MEF2A: variants seen among roughly 807,000 people sequenced by gnomAD.
MEF2A encodes the protein myocyte enhancer factor 2A.
MEF2A carries 28 observed loss-of-function variants against 55.8 expected under a neutral mutation model. The ratio of observed to expected loss-of-function variants is 0.50; its 90% confidence interval spans 0.37 to 0.69. MEF2A has a LOEUF of 0.69. Ranked by LOEUF, MEF2A falls within the 30% of genes least tolerant of loss-of-function variation. The pLI is 0.00. For missense variants in MEF2A, 528 were observed against 626.2 expected, an observed-to-expected ratio of 0.84 and a Z score of 1.67; for synonymous variants, 239 against 227.1, an observed-to-expected ratio of 1.05 and a Z score of -0.47.
In MEF2A at chr15:99,568,477, C is replaced by G. The variant is rs561508477; in HGVS notation, c.-225+2373C>G. 2.6e-5 allele frequency among the ~76,000 whole-genome samples: 4 copies of G among 152,118 alleles called. No individual in the cohort carries two copies. In the East Asian group the frequency reaches 7.7e-4, roughly 29 times the overall value. ...AATATTAATTTTATTAATATTCCAGCAATAGCAGTGTCATCCATTAATTGG... is the reference window on the plus strand; with the variant it reads ...AATATTAATTTTATTAATATTCCAGGAATAGCAGTGTCATCCATTAATTGG... On this transcript the variant is annotated intron_variant, in intron 1 of 11. Transcript: ENST00000557942.
In MEF2A at chr15:99,682,135, G is replaced by A. The variant is rs527367252; in HGVS notation, c.670+6677G>A. On this transcript the variant is annotated intron_variant, in intron 7 of 11. Transcript: ENST00000557942. ...CATTGTCTGCAGTTTAACCCTAGAA[G>A]AGTAGTATCTAAGGACACAGAGTAC... 7.2e-5 allele frequency among the ~76,000 whole-genome samples: 11 copies of A among 152,300 alleles called. 1 individual carries two copies. The highest frequency in any genetic ancestry group is 2.6e-4 in the African/African-American group (11 of 41,566).
chr15:99,641,026 T>C (rs1003524263), intron 3 of MEF2A, among the ~76,000 whole-genome samples: 1 of 152,152 alleles, frequency 6.6e-6, no homozygotes, highest in African/African-American at 2.4e-5. Context: ...TCGCACGTAT[T>C]TGCACTAGTT....
chr15:99,654,321 A>C (rs2047328189), intron 4 of MEF2A, among the ~76,000 whole-genome samples: 1 of 151,968 alleles, frequency 6.6e-6, no homozygotes, highest in East Asian at 1.9e-4. Flanking sequence ...TTATTTATTG[A>C]ATGGTTAGTG....
chr15:99,671,720 G>A (rs1407396603), intron 5 of MEF2A: 8 of 1,415,056 alleles, frequency 5.7e-6, no homozygotes, highest in Non-Finnish European at 7.4e-6. Context: ...CAAACATCTT[G>A]TTGCTTATTT....
chr15:99,679,306 G>A (rs1433169450), intron 7 of MEF2A, among the ~76,000 whole-genome samples: 1 of 152,212 alleles, frequency 6.6e-6, no homozygotes, highest in African/African-American at 2.4e-5. Flanking sequence ...TAAAGTCATT[G>A]TCTAGAAATA....
At position 99,715,817 on chromosome 15, in the gene MEF2A, C is replaced by G. The variant is rs988040169; in HGVS notation, c.*3046C>G. Reference sequence around the variant, plus strand: ...CTCAGTACTCTAATGGCCACTCCACCGCGAGTGGAAGTCACTGTTGTGTGT... The same window carrying G: ...CTCAGTACTCTAATGGCCACTCCACGGCGAGTGGAAGTCACTGTTGTGTGT... On this transcript the variant is annotated 3_prime_UTR_variant, in exon 12 of 12. Coordinates refer to ENST00000557942, the MANE Select transcript of MEF2A (RefSeq NM_001319206.4). 1 of 152,186 alleles carries G rather than the reference C, an allele frequency of 6.6e-6. No homozygotes were observed. The highest frequency in any genetic ancestry group is 2.4e-5 in the African/African-American group (1 of 41,438). The allele number at this position is 152,186 out of a possible 1,614,324, so 9.4% of individuals were successfully genotyped here. A position where few individuals can be genotyped will look rare whatever the true frequency, so the allele number is the denominator to read the frequency against.
At chr15:99,702,961 G>C (rs1019225687) in intron 8 of MEF2A, among the ~76,000 whole-genome samples, 7 of 152,176 alleles carry the variant, frequency 4.6e-5, no homozygotes, top group African/African-American at 1.7e-4. Context: ...GTATCACCAG[G>C]TGGGGTAATA....
intron 1 of MEF2A, among the ~76,000 whole-genome samples, chr15:99,580,513 A>G (rs1965622526): frequency 6.6e-6 from 1 of 152,168 alleles, no homozygotes; most frequent in Admixed American, 6.6e-5. Context: ...GAGTCTCCGG[A>G]AGGTATTGTG....
At chr15:99,594,123 C>T (rs530753335) in intron 1 of MEF2A, among the ~76,000 whole-genome samples, 44 of 152,262 alleles carry the variant, frequency 2.9e-4, no homozygotes, top group African/African-American at 9.9e-4. Context: ...GTTGAGGGCT[C>T]AGCCTGACAA....
At chr15:99,687,898 T>C (rs1326830670) in intron 7 of MEF2A, among the ~76,000 whole-genome samples, 2 of 152,230 alleles carry the variant, frequency 1.3e-5, no homozygotes, top group Non-Finnish European at 2.9e-5. Flanking sequence ...TATTTGAATT[T>C]TTTTAATTTC....
intron 2 of MEF2A, among the ~76,000 whole-genome samples, chr15:99,622,702 C>CTTTCTTTTTTTTTTTTTT (rs1555461506): frequency 7.4e-6 from 1 of 135,700 alleles, no homozygotes; most frequent in African/African-American, 2.6e-5. Flanking sequence ...GTTTTCTTTT[C>CTTTCTTTTTTTTTTTTTT]TTTTTTTTTT....
intron 7 of MEF2A, among the ~76,000 whole-genome samples, chr15:99,676,752 A>G (rs2052171702): frequency 1.3e-5 from 2 of 151,840 alleles, no homozygotes; most frequent in South Asian, 2.1e-4. Context: ...TTGTATTTTT[A>G]GTAGAGACGG....
chr15:99,711,193 C>G (rs2058603867), intron 11 of MEF2A, among the ~76,000 whole-genome samples: 1 of 152,240 alleles, frequency 6.6e-6, no homozygotes, highest in African/African-American at 2.4e-5. Context: ...CCACCCTTGC[C>G]ATTGACTGCT....
intron 1 of MEF2A, among the ~76,000 whole-genome samples, chr15:99,584,865 ACTTT>A (rs1291579037): frequency 6.6e-6 from 1 of 152,196 alleles, no homozygotes; most frequent in African/African-American, 2.4e-5. Context: ...CAATAAAGCT[ACTTT>A]CTTTTTTATT....
intron 1 of MEF2A, among the ~76,000 whole-genome samples, chr15:99,591,023 A>G (rs1245559786): frequency 2.0e-5 from 3 of 152,248 alleles, no homozygotes; most frequent in Admixed American, 2.0e-4. Context: ...CAGAGTTCAT[A>G]TATACTACCC....
At position 99,712,088 on chromosome 15, in the gene MEF2A, G is replaced by A. The variant is rs1047730882; in HGVS notation, c.1137-302G>A. On this transcript the variant is annotated intron_variant, in intron 11 of 11. Coordinates refer to ENST00000557942, the MANE Select transcript of MEF2A (RefSeq NM_001319206.4). This position sits in a 1 kb window ranked among gnomAD's most constrained non-coding sequence, Gnocchi z 4.1. ...AGGCTGCTGTTCCTCTGTCTTTCTG[G>A]TCCCTGCACAGCATTAAGACACTGA... Among the ~76,000 whole-genome samples the A allele has an allele frequency of 2.0e-5, 3 of 152,250 alleles. No homozygotes were observed. The East Asian group carries it at 5.8e-4, about 29-fold the overall frequency.
chr15:99,585,727 C>A (rs537210062), intron 1 of MEF2A, among the ~76,000 whole-genome samples: 35 of 152,196 alleles, frequency 2.3e-4, no homozygotes, highest in African/African-American at 7.7e-4. Flanking sequence ...ACTGAACTTA[C>A]GAGGTATAGA....
At chr15:99,589,270 A>G (rs1284665493) in intron 1 of MEF2A, among the ~76,000 whole-genome samples, 1 of 152,178 alleles carries the variant, frequency 6.6e-6, no homozygotes, top group African/African-American at 2.4e-5. Context: ...TTTCTGTGTC[A>G]GTTTTGATAG....
Position 99,572,013 on chromosome 15 carries a change from G to GT in MEF2A, c.-225+5928dup, listed in dbSNP as rs36027608. ...TTCTTTTTCTTCTTGCTCCATAGAA[G>GT]TTTTTTTTTTTTTTTTTTTCTTCAC... On this transcript the variant is annotated intron_variant, in intron 1 of 11. Coordinates refer to ENST00000557942, the MANE Select transcript of MEF2A (RefSeq NM_001319206.4). Among the ~76,000 whole-genome samples the GT allele has an allele frequency of 1.3e-3, 169 of 128,348 alleles. 1 individual carries two copies. Among genetic ancestry groups the GT allele is most frequent in the Middle Eastern group, 8.2e-3 (2 of 244 alleles). 84.2% of individuals were successfully genotyped at this position (128,348 alleles called of 152,430 possible).
Sources: allele counts gnomAD v4.1 joint callset (sites outside exome capture counted in the v4.1 genomes callset), GRCh38; gene constraint gnomAD v4.1.1; non-coding constraint Gnocchi (gnomAD v3.1); transcripts MANE v1.5; gene names NCBI Gene and HGNC (gene_info 2026-07-23, HGNC 2026-07-21).